The following FAM3C variants were observed in gnomAD, a reference collection of about 807,000 sequenced individuals.
The protein encoded by FAM3C is FAM3 metabolism regulating signaling molecule C, also known as protein FAM3C.
A neutral mutation model predicts 32.5 loss-of-function variants in FAM3C; 15 were observed. The observed-to-expected ratio is 0.46, with a 90% CI of 0.31 to 0.71. The LOEUF (loss-of-function observed/expected upper bound fraction) is 0.71, where lower values mean the gene tolerates loss of function less well. Ranked by LOEUF, FAM3C falls within the 30% of genes least tolerant of loss-of-function variation. The pLI, the probability that FAM3C is intolerant of heterozygous loss-of-function variation, is 0.05. For missense variants in FAM3C, 175 were observed against 274.4 expected, an observed-to-expected ratio of 0.64 and a Z score of 2.56; for synonymous variants, 75 against 86.1, an observed-to-expected ratio of 0.87 and a Z score of 0.72.
intron 7 of FAM3C, among the ~76,000 whole-genome samples, 188 bp from the exon 8 acceptor site, chr7:121,360,315 C>T (rs1227100887): frequency 6.6e-6 from 1 of 152,200 alleles, no homozygotes; most frequent in East Asian, 1.9e-4. Context: ...AACATAATCC[C>T]ACTATCAACT....
chr7:121,362,227 T>C (rs1793939729), intron 7 of FAM3C, among the ~76,000 whole-genome samples: 2 of 152,186 alleles, frequency 1.3e-5, no homozygotes, highest in African/African-American at 2.4e-5. Context: ...TTCTTTGGGG[T>C]GCCAGTCCCT....
intron 8 of FAM3C, chr7:121,351,621 T>C (rs573798812): frequency 1.5e-4 from 26 of 174,222 alleles, no homozygotes; most frequent in African/African-American, 5.9e-4. Context: ...AAGCAATCAA[T>C]ATTTTTATAA....
At chr7:121,391,271 T>A (rs1023654503) in intron 1 of FAM3C, among the ~76,000 whole-genome samples, 1 of 152,170 alleles carries the variant, frequency 6.6e-6, no homozygotes, top group Non-Finnish European at 1.5e-5. Context: ...CTACAATTGT[T>A]TAAACACTTG....
intron 2 of FAM3C, among the ~76,000 whole-genome samples, chr7:121,381,564 AT>A (rs757446108): frequency 2.6e-4 from 39 of 152,094 alleles, no homozygotes; most frequent in Non-Finnish European, 4.4e-4. Context: ...AACTTACTTT[AT>A]TTCAAATTGC....
intron 8 of FAM3C, 151 bp from the exon 9 acceptor site, chr7:121,351,420 C>CT: frequency 1.6e-6 from 1 of 622,938 alleles, no homozygotes; most frequent in South Asian, 4.4e-5. Context: ...AGTTACATTT[C>CT]TACTGGTTGA....
intron 8 of FAM3C, among the ~76,000 whole-genome samples, chr7:121,358,939 G>C (rs1016199698): frequency 1.3e-5 from 2 of 151,422 alleles, no homozygotes; most frequent in African/African-American, 4.9e-5. Flanking sequence ...AGTCAAGATA[G>C]GCCAACTCGA....
intron 8 of FAM3C, among the ~76,000 whole-genome samples, chr7:121,359,720 G>T (rs764265738): frequency 6.6e-6 from 1 of 151,906 alleles, no homozygotes; most frequent in Non-Finnish European, 1.5e-5. Flanking sequence ...CTTTAAAGGT[G>T]AGCCCATAAC....
chr7:121,379,669 G>A (rs1380742735), intron 2 of FAM3C, among the ~76,000 whole-genome samples: 2 of 152,090 alleles, frequency 1.3e-5, no homozygotes, highest in African/African-American at 2.4e-5. Context: ...CTCCAAGTGC[G>A]CAGACTCTTC....
chr7:121,393,952 C>A (rs1028853636), intron 1 of FAM3C, among the ~76,000 whole-genome samples: 2 of 152,202 alleles, frequency 1.3e-5, no homozygotes, highest in South Asian at 4.1e-4. Context: ...ACCAAGGTCG[C>A]ACAAAAATCT....
chr7:121,362,105 C>T (rs1399698273), intron 7 of FAM3C, among the ~76,000 whole-genome samples: 1 of 152,118 alleles, frequency 6.6e-6, no homozygotes, highest in Non-Finnish European at 1.5e-5. Context: ...TGGGGAGGTG[C>T]AGGGGAGATC....
At position 121,351,946 on chromosome 7, in the gene FAM3C, T is replaced by C. The variant is rs117347125; in HGVS notation, c.468-677A>G. On this transcript the variant is annotated intron_variant, in intron 8 of 9. Transcript: ENST00000359943. ...TTTGTGTAAGTGATCATCCTAATGG[T>C]CAATGATTTTCTCTCCTTTATCTCT... Among the ~76,000 whole-genome samples the C allele has an allele frequency of 1.7e-3, 258 of 152,284 alleles. 1 individual carries two copies. The highest frequency in any genetic ancestry group is 9.3e-3 in the South Asian group (45 of 4,820).
intron 8 of FAM3C, among the ~76,000 whole-genome samples, chr7:121,358,997 C>G (rs2116882163): frequency 1.3e-5 from 2 of 151,580 alleles, no homozygotes; most frequent in East Asian, 3.9e-4. Flanking sequence ...AAAAAAACCA[C>G]TTGTGAAAAA....
intron 4 of FAM3C, among the ~76,000 whole-genome samples, 191 bp downstream of exon 4, chr7:121,371,919 A>C (rs1794155335): frequency 6.6e-6 from 1 of 152,200 alleles, no homozygotes; most frequent in South Asian, 2.1e-4. Flanking sequence ...GAGCTAAAAA[A>C]CACAAAATAT....
intron 2 of FAM3C, among the ~76,000 whole-genome samples, chr7:121,379,973 G>A (rs1794316833): frequency 6.6e-6 from 1 of 152,118 alleles, no homozygotes; most frequent in Admixed American, 6.6e-5. Context: ...TCCAAAATCT[G>A]CTTCCTATTT....
At chr7:121,368,943 T>C (rs866128838) in intron 5 of FAM3C, among the ~76,000 whole-genome samples, 3 of 150,990 alleles carry the variant, frequency 2.0e-5, no homozygotes, top group Non-Finnish European at 4.4e-5. Flanking sequence ...GTATCACAAT[T>C]TGTTTGTTCA....
chr7:121,362,793 A>G, intron 7 of FAM3C, 104 bp downstream of exon 7: 1 of 700,044 alleles, frequency 1.4e-6, no homozygotes, highest in Admixed American at 2.6e-5. Flanking sequence ...AACAAAATGA[A>G]CTAACGCAAA....
intron 3 of FAM3C, among the ~76,000 whole-genome samples, chr7:121,374,499 T>C (rs1180633272): frequency 6.6e-6 from 1 of 152,192 alleles, no homozygotes; most frequent in East Asian, 1.9e-4. Flanking sequence ...AAAAGAACTA[T>C]TTAATCTTAT....
chr7:121,353,799 C>T (rs1470547068), intron 8 of FAM3C, among the ~76,000 whole-genome samples: 1 of 152,186 alleles, frequency 6.6e-6, no homozygotes. Flanking sequence ...TTTGACTCCA[C>T]TTGGGAGAAG....
intron 1 of FAM3C, among the ~76,000 whole-genome samples, chr7:121,387,963 C>T (rs951663216): frequency 6.6e-6 from 1 of 152,084 alleles, no homozygotes; most frequent in African/African-American, 2.4e-5. Flanking sequence ...ACTATACACA[C>T]ATCTTTGCAA....
Sources: allele counts gnomAD v4.1 joint callset (sites outside exome capture counted in the v4.1 genomes callset), GRCh38; gene constraint gnomAD v4.1.1; transcripts MANE v1.5; gene names NCBI Gene and HGNC (gene_info 2026-07-23, HGNC 2026-07-21).